The following ANGPT2 variants were observed in gnomAD, a reference collection of about 807,000 sequenced individuals.
ANGPT2 encodes angiopoietin-2.
A neutral mutation model predicts 62.9 loss-of-function variants in ANGPT2; 28 were observed. The observed-to-expected ratio is 0.44, with a 90% CI of 0.33 to 0.61. ANGPT2 has a LOEUF of 0.61. ANGPT2 is among the 20% of genes least tolerant of loss of function. The pLI, the probability that ANGPT2 is intolerant of heterozygous loss-of-function variation, is 0.03. For missense variants in ANGPT2, 727 were observed against 594.9 expected (o/e 1.22, Z -2.31); for synonymous variants, 284 against 207.8 (o/e 1.37, Z -3.15).
At chr8:6,530,424 G>C (rs558576525) in intron 2 of ANGPT2, among the ~76,000 whole-genome samples, 1 of 149,544 alleles carries the variant, frequency 6.7e-6, no homozygotes, top group African/African-American at 2.5e-5. Context: ...CACGAGAATC[G>C]CTTGAACCCG....
intron 7 of ANGPT2, among the ~76,000 whole-genome samples, chr8:6,513,247 G>C (rs548433684): frequency 1.3e-5 from 2 of 152,012 alleles, no homozygotes; most frequent in Admixed American, 1.3e-4. Context: ...AGAAGTAATA[G>C]TTTAGATCTT....
chr8:6,534,522 G>GC (rs199742083), intron 1 of ANGPT2, among the ~76,000 whole-genome samples: 1,778 of 152,224 alleles, frequency 0.012, 17 homozygotes, highest in Middle Eastern at 0.027. Context: ...ACCCGCCTCA[G>GC]CCCCCCAAAG....
At chr8:6,520,475 A>C (rs1817105956) in intron 4 of ANGPT2, among the ~76,000 whole-genome samples, 1 of 152,036 alleles carries the variant, frequency 6.6e-6, no homozygotes, top group African/African-American at 2.4e-5. Context: ...AGCTTACCGC[A>C]TCCTCCTCCT....
chr8:6,533,569 CTTTTTTT>C (rs56882906), intron 1 of ANGPT2, among the ~76,000 whole-genome samples: 38 of 113,352 alleles, frequency 3.4e-4, no homozygotes, highest in African/African-American at 5.0e-4. Flanking sequence ...CGTTTAGTTT[CTTTTTTT>C]TTTTTTTTTT....
chr8:6,505,852 G>A (rs1398484841), intron 8 of ANGPT2, among the ~76,000 whole-genome samples: 1 of 133,964 alleles, frequency 7.5e-6, no homozygotes, highest in Middle Eastern at 4.4e-3. Flanking sequence ...CTTTATATAT[G>A]TATATATAAA....
chr8:6,522,578 A>C (rs377506206), intron 3 of ANGPT2, among the ~76,000 whole-genome samples: 1 of 152,038 alleles, frequency 6.6e-6, no homozygotes, highest in African/African-American at 2.4e-5. Flanking sequence ...GCTTGAGAGC[A>C]GGCTGGCCAA....
intron 1 of ANGPT2, among the ~76,000 whole-genome samples, chr8:6,543,524 C>T (rs1003604410): frequency 2.5e-4 from 38 of 152,122 alleles, no homozygotes; most frequent in African/African-American, 8.2e-4. Flanking sequence ...CTCCCATCTG[C>T]GGAATAAACC....
At chr8:6,528,263 T>C (rs760157434) in intron 2 of ANGPT2, among the ~76,000 whole-genome samples, 17 of 152,186 alleles carry the variant, frequency 1.1e-4, no homozygotes, top group Admixed American at 5.9e-4. Context: ...AAATACTAAA[T>C]GTTATTTTTC....
chr8:6,518,603 G>C (rs1394587500), intron 5 of ANGPT2, among the ~76,000 whole-genome samples: 1 of 152,094 alleles, frequency 6.6e-6, no homozygotes, highest in Non-Finnish European at 1.5e-5. Context: ...CCTAATGCTT[G>C]TATTTTTAAA....
At chr8:6,505,470 TAC>T (rs1813349062) in intron 8 of ANGPT2, among the ~76,000 whole-genome samples, 2 of 73,914 alleles carry the variant, frequency 2.7e-5, no homozygotes, top group African/African-American at 1.1e-4. Flanking sequence ...ATATATTCTT[TAC>T]ATATATAGAA....
intron 1 of ANGPT2, among the ~76,000 whole-genome samples, chr8:6,552,551 G>A (rs562687340): frequency 6.6e-6 from 1 of 152,298 alleles, no homozygotes; most frequent in East Asian, 1.9e-4. Flanking sequence ...TTTAACTAAT[G>A]TGAGATATAG....
intron 1 of ANGPT2, among the ~76,000 whole-genome samples, chr8:6,547,910 A>T (rs1369448989): frequency 2.7e-5 from 4 of 147,546 alleles, no homozygotes; most frequent in Non-Finnish European, 4.5e-5. Context: ...TTTAACCAAA[A>T]CTCACTGTGG....
intron 3 of ANGPT2, among the ~76,000 whole-genome samples, chr8:6,521,748 G>T (rs1011112956): frequency 1.3e-5 from 2 of 152,224 alleles, no homozygotes; most frequent in Admixed American, 1.3e-4. Context: ...GCTCTTTCAA[G>T]CTTAGTGCTC....
chr8:6,503,050 C>G lies in ANGPT2; in HGVS notation c.*51G>C, dbSNP rs1563300249. 3.7e-6 allele frequency: 6 copies of G among 1,606,440 alleles called. No homozygotes were observed. The highest frequency in any genetic ancestry group is 5.1e-6 in the Non-Finnish European group (6 of 1,175,758). ...CAGCCGTGACTTTCAGTGCACTGGG[C>G]TTAAGTCTTTGAAAATAGTTCGAGA... On this transcript the variant is annotated 3_prime_UTR_variant, in exon 9 of 9. Transcript: ENST00000629816.
rs145121856 is a variant in ANGPT2, at chr8:6,542,253, A to G, written c.289-9766T>C. ...GAATCTTATGTATATCTGTCTAGAGACATATATGCATACATTTGTCTACAC... is the reference window on the plus strand; with the variant it reads ...GAATCTTATGTATATCTGTCTAGAGGCATATATGCATACATTTGTCTACAC... On this transcript the variant is annotated intron_variant, in intron 1 of 8. Transcript: ENST00000629816. 3.0e-3 allele frequency among the ~76,000 whole-genome samples: 450 copies of G among 152,218 alleles called. 1 individual carries two copies. The highest frequency in any genetic ancestry group is 8.0e-3 in the Admixed American group (122 of 15,298).
chr8:6,559,772 G>A (rs1264528240), intron 1 of ANGPT2, among the ~76,000 whole-genome samples: 1 of 152,210 alleles, frequency 6.6e-6, no homozygotes, highest in African/African-American at 2.4e-5. Context: ...CCAGGGCAGA[G>A]GTTCACACTA....
intron 3 of ANGPT2, among the ~76,000 whole-genome samples, chr8:6,524,561 C>T (rs1214837330): frequency 1.3e-5 from 2 of 152,224 alleles, no homozygotes; most frequent in African/African-American, 4.8e-5. Context: ...CAGATCACGT[C>T]TTACCTTCCG....
chr8:6,513,317 T>TTTTTTC (rs1375309641), intron 7 of ANGPT2, among the ~76,000 whole-genome samples: 6 of 151,996 alleles, frequency 3.9e-5, no homozygotes, highest in Non-Finnish European at 7.4e-5. Context: ...TTTTAATTTT[T>TTTTTTC]TTTTTCTTTT....
rs1420104962 is a variant in ANGPT2, at chr8:6,502,462, T to C, written c.*639A>G. 1 of 152,234 alleles carries C rather than the reference T, an allele frequency of 6.6e-6. No individual in the cohort carries two copies. The highest frequency in any genetic ancestry group is 1.5e-5 in the Non-Finnish European group (1 of 68,048). 9.4% of individuals were successfully genotyped at this position (152,234 alleles called of 1,614,324 possible). The stretch of plus-strand genomic sequence containing the variant: ...AAATTTGAAATACGTATTTGAGCAT[T>C]AACTTATAACTAAGCTGTCAACATA... On this transcript the variant is annotated 3_prime_UTR_variant, in exon 9 of 9. Coordinates refer to ENST00000629816, the MANE Select transcript of ANGPT2 (RefSeq NM_001118887.2).
Sources: allele counts gnomAD v4.1 joint callset (sites outside exome capture counted in the v4.1 genomes callset), GRCh38; gene constraint gnomAD v4.1.1; transcripts MANE v1.5; gene names NCBI Gene and HGNC (gene_info 2026-07-23, HGNC 2026-07-21).